Variants in ANKRD44 observed in about 807,000 individuals in gnomAD.
The protein encoded by ANKRD44 is serine/threonine-protein phosphatase 6 regulatory ankyrin repeat subunit B.
Under a neutral mutation model 116.0 loss-of-function variants are expected in ANKRD44, and 35 were observed. That is an observed-to-expected ratio of 0.30 (90% CI 0.23 to 0.40). The LOEUF (loss-of-function observed/expected upper bound fraction) is 0.40. Ranked by LOEUF, ANKRD44 falls within the 10% of genes least tolerant of loss-of-function variation. ANKRD44 has a pLI of 1.00. For missense variants in ANKRD44, 1,014 were observed against 1,242.6 expected (o/e 0.82, Z 2.77); for synonymous variants, 435 against 461.8 (o/e 0.94, Z 0.74).
In ANKRD44 at chr2:197,005,815, A is replaced by G. The variant is rs1231430314; in HGVS notation, c.2226T>C (p.Tyr742=). The change falls in exon 21 of 28, where the codon TAT becomes TAC. Residue 742 remains tyrosine, a synonymous_variant. Coordinates refer to ENST00000282272, the MANE Select transcript of ANKRD44 (RefSeq NM_001195144.2). ...KDSRGRTPLH[Y]AAARGHATWL... is the part of the protein sequence containing the mutation. The stretch of plus-strand genomic sequence containing the variant: ...ACGTGGCGTGGCCACGAGCAGCTGC[A>G]TAGTGCAAGGGCGTCCTCCCTCTGG... The G allele has an allele frequency of 6.2e-7, 1 of 1,614,296 alleles. No individual in the cohort carries two copies. Among genetic ancestry groups the G allele is most frequent in the African/African-American group, 1.3e-5 (1 of 75,088 alleles).
intron 1 of ANKRD44, among the ~76,000 whole-genome samples, chr2:197,304,060 C>T (rs891828580): frequency 6.6e-6 from 1 of 152,144 alleles, no homozygotes; most frequent in African/African-American, 2.4e-5. Context: ...AATCCCAGCA[C>T]TTTGGGAGGC....
chr2:197,257,430 G>C (rs766696961), intron 1 of ANKRD44, among the ~76,000 whole-genome samples: 1 of 149,944 alleles, frequency 6.7e-6, no homozygotes, highest in African/African-American at 2.5e-5. Context: ...CAGCTTTTTA[G>C]TGATTATTAT....
chr2:197,193,227 GC>G (rs2080865074), intron 1 of ANKRD44, among the ~76,000 whole-genome samples: 1 of 152,056 alleles, frequency 6.6e-6, no homozygotes, highest in Non-Finnish European at 1.5e-5. Flanking sequence ...ATCCTTTGTT[GC>G]TCCTTCCTTT....
rs57305877 is a variant in ANKRD44, at chr2:197,274,010, T to TAG, written c.27+36567_27+36568insCT. 4.1e-3 allele frequency among the ~76,000 whole-genome samples: 354 copies of TAG among 86,088 alleles called. 39 individuals are homozygous for TAG. The highest frequency in any genetic ancestry group is 0.013 in the Middle Eastern group (2 of 156). 56.5% of individuals were successfully genotyped at this position (86,088 alleles called of 152,430 possible). A position where few individuals can be genotyped will look rare whatever the true frequency, so the allele number is the denominator to read the frequency against. ...ATATATATATATATATATATATATA[T>TAG]ATATATATATATATATATGAATCAG... On this transcript the variant is annotated intron_variant, in intron 1 of 27. Coordinates refer to ENST00000282272, the MANE Select transcript of ANKRD44 (RefSeq NM_001195144.2).
At chr2:197,096,830 T>A (rs2078172139) in intron 10 of ANKRD44, among the ~76,000 whole-genome samples, 1 of 152,128 alleles carries the variant, frequency 6.6e-6, no homozygotes, top group Admixed American at 6.5e-5. Context: ...TTCCCTTCAC[T>A]TTGATATTTT....
At chr2:197,021,776 T>C (rs2076502825) in intron 17 of ANKRD44, among the ~76,000 whole-genome samples, 1 of 152,220 alleles carries the variant, frequency 6.6e-6, no homozygotes, top group African/African-American at 2.4e-5. Context: ...ACACTATGTC[T>C]AGCAACTACG....
At chr2:197,052,807 C>T (rs949648186) in intron 16 of ANKRD44, among the ~76,000 whole-genome samples, 1 of 152,152 alleles carries the variant, frequency 6.6e-6, no homozygotes, top group African/African-American at 2.4e-5. Context: ...TGCCTGACTG[C>T]CCCACTCCTA....
intron 1 of ANKRD44, among the ~76,000 whole-genome samples, chr2:197,234,006 C>T (rs900330399): frequency 1.3e-5 from 2 of 152,172 alleles, no homozygotes; most frequent in African/African-American, 4.8e-5. Context: ...GGGTGTATAT[C>T]TCGTTAACTG....
intron 7 of ANKRD44, among the ~76,000 whole-genome samples, chr2:197,122,203 GC>G (rs778607966): frequency 2.0e-5 from 3 of 152,122 alleles, no homozygotes; most frequent in Non-Finnish European, 2.9e-5. Flanking sequence ...GGATGTTCCA[GC>G]CTCACCACTG....
chr2:197,094,532 T>C (rs1220277068), intron 10 of ANKRD44, among the ~76,000 whole-genome samples: 1 of 152,252 alleles, frequency 6.6e-6, no homozygotes, highest in Non-Finnish European at 1.5e-5. Context: ...ATCAGTTGTA[T>C]GATTCCTTAA....
At chr2:197,164,713 C>T (rs1160263497) in intron 2 of ANKRD44, among the ~76,000 whole-genome samples, 1 of 152,172 alleles carries the variant, frequency 6.6e-6, no homozygotes, top group Non-Finnish European at 1.5e-5. Context: ...TTGGGCCTGC[C>T]GCCTCCTCAT....
At chr2:197,059,076 G>T (rs776760773) in intron 16 of ANKRD44, among the ~76,000 whole-genome samples, 24 of 152,036 alleles carry the variant, frequency 1.6e-4, no homozygotes, top group Non-Finnish European at 3.1e-4. Context: ...TATTATCATG[G>T]TGGTAATTTA....
At chr2:197,195,757 G>A (rs535909038) in intron 1 of ANKRD44, among the ~76,000 whole-genome samples, 1 of 152,130 alleles carries the variant, frequency 6.6e-6, no homozygotes, top group South Asian at 2.1e-4. Flanking sequence ...CTTGATCGCT[G>A]AATTTAAATC....
chr2:197,050,228 G>C (rs1175870465), intron 16 of ANKRD44, among the ~76,000 whole-genome samples: 5 of 151,924 alleles, frequency 3.3e-5, no homozygotes, highest in South Asian at 2.1e-4. Flanking sequence ...AACACCAAGG[G>C]GGATAGTGCT....
intron 4 of ANKRD44, among the ~76,000 whole-genome samples, chr2:197,126,966 C>T (rs1402301928): frequency 1.3e-5 from 2 of 151,216 alleles, no homozygotes; most frequent in African/African-American, 4.9e-5. Context: ...CCGGCCTGGG[C>T]AACAGAGCAA....
chr2:197,050,428 C>CTT (rs796163431), intron 16 of ANKRD44, among the ~76,000 whole-genome samples: 1 of 144,452 alleles, frequency 6.9e-6, no homozygotes. Flanking sequence ...TTTGTTTTTG[C>CTT]TTTTTTTTTT....
intron 16 of ANKRD44, among the ~76,000 whole-genome samples, chr2:197,049,585 T>C (rs952653763): frequency 6.6e-6 from 1 of 152,196 alleles, no homozygotes; most frequent in African/African-American, 2.4e-5. Flanking sequence ...ATATGCCTCA[T>C]ATTTTCATGT....
intron 16 of ANKRD44, among the ~76,000 whole-genome samples, chr2:197,052,331 C>T (rs2077123798): frequency 6.6e-6 from 1 of 152,150 alleles, no homozygotes; most frequent in Non-Finnish European, 1.5e-5. Context: ...TTTTTAAAAT[C>T]TCTTCTTGTT....
intron 22 of ANKRD44, 113 bp from the exon 23 acceptor site, chr2:197,000,615 G>C (rs1301265394): frequency 4.8e-6 from 4 of 841,694 alleles, no homozygotes; most frequent in Non-Finnish European, 7.7e-6. Context: ...TTAAAAAATC[G>C]AACGTAAATA....
Sources: gnomAD v4.1 joint callset for allele counts (sites outside exome capture counted in the v4.1 genomes callset) on GRCh38, gnomAD v4.1.1 for gene constraint, MANE v1.5 for transcripts, NCBI Gene and HGNC (gene_info 2026-07-23, HGNC 2026-07-21) for gene names.